Variants in CENPE observed in about 807,000 individuals in gnomAD.
The protein encoded by CENPE is centromere protein E.
A neutral mutation model predicts 336.1 loss-of-function variants in CENPE; 145 were observed. That is an observed-to-expected ratio of 0.43 (90% confidence interval 0.38 to 0.50). CENPE has a LOEUF of 0.50. CENPE is among the 20% of genes least tolerant of loss of function. CENPE has a pLI of 0.00. For missense variants in CENPE, 2,719 were observed against 3,023.3 expected (o/e 0.90, Z 2.36); for synonymous variants, 1,013 against 984.8 (o/e 1.03, Z -0.54).
rs571966593 is a variant in CENPE at position 103,167,134 on chromosome 4, T to C, written c.1648-3581A>G. Among the ~76,000 whole-genome samples the C allele has an allele frequency of 9.2e-5, 14 of 152,326 alleles. No homozygotes were observed. In the South Asian group the frequency reaches 2.9e-3, roughly 32 times the overall value. On this transcript the variant is annotated intron_variant, in intron 16 of 48. Transcript: ENST00000265148. The stretch of plus-strand genomic sequence containing the variant: ...AGCTTCTCCAGCTATTCTAATGTTT[T>C]AATTATTTAGAAACATACTTTCTAA...
In CENPE at chr4:103,191,162, G is replaced by A. The variant is rs533177501; in HGVS notation, c.693+3067C>T. On this transcript the variant is annotated intron_variant, in intron 8 of 48. Transcript: ENST00000265148. ...TCAGGGAACAACAGGTGCTGGAGAG[G>A]ATGTGGAGAAATAGGAACACTTTTA... 2.4e-4 allele frequency among the ~76,000 whole-genome samples: 36 copies of A among 152,286 alleles called. 1 individual carries two copies. The South Asian group carries it at 6.8e-3, about 29-fold the overall frequency.
chr4:103,184,333 C>T (rs978322509), intron 9 of CENPE, among the ~76,000 whole-genome samples: 1 of 152,164 alleles, frequency 6.6e-6, no homozygotes, highest in Non-Finnish European at 1.5e-5. Flanking sequence ...AGTGCAGGTG[C>T]AAGCTAAACC....
At position 103,147,619 on chromosome 4, in the gene CENPE, A is replaced by C. The variant is rs1054702150; in HGVS notation, c.3871T>G (p.Leu1291Val). The change falls in exon 29 of 49, where the codon TTA becomes GTA. Residue 1291 changes from leucine (L) to valine (V), a missense_variant. Transcript: ENST00000265148. ...EIPVLHEEQE[L>V]LPNVKEVSET... is the part of the protein sequence containing the mutation. ...CTGACTTCTTTCACATTAGGCAGTA[A>C]CTCTTGTTCCTCATGAAGCACTGGG... is the stretch of plus-strand genomic sequence containing the variant. The C allele has an allele frequency of 6.2e-7, 1 of 1,612,548 alleles. No individual in the cohort carries two copies. The highest frequency in any genetic ancestry group is 1.3e-5 in the African/African-American group (1 of 74,972).
At chr4:103,183,069 T>C in intron 10 of CENPE, 132 bp downstream of exon 10, 1 of 871,690 alleles carries the variant, frequency 1.1e-6, no homozygotes. Context: ...TTCAGTAGAT[T>C]ATAATCATAT....
chr4:103,114,356 T>C, intron 46 of CENPE, 99 bp downstream of exon 46: 1 of 662,974 alleles, frequency 1.5e-6, no homozygotes. Flanking sequence ...AACTTCTGTT[T>C]ACTCTCGACT....
At chr4:103,145,394 CAT>C (rs767534488) in intron 31 of CENPE, 60 bp from the exon 32 acceptor site, 86 of 1,309,998 alleles carry the variant, frequency 6.6e-5, no homozygotes, top group Middle Eastern at 1.9e-4. Flanking sequence ...CACACACACA[CAT>C]ACACAACTTA....
chr4:103,151,294 A>G lies in CENPE; in HGVS notation c.3321T>C (p.His1107=). ...QQEIVAQEKN[H]AIKKEGELSR... ...AAAGCTCTCCTTCTTTCTTTATGGC[A>G]TGGTTCTTTTCTTGTGCAACTATCT... Residue 1107 remains histidine (H), a synonymous_variant, in exon 26 of 49, where the codon CAT becomes CAC. Transcript: ENST00000265148. 1.2e-6 allele frequency: 2 copies of G among 1,606,810 alleles called. No individual in the cohort carries two copies. The highest frequency in any genetic ancestry group is 1.7e-6 in the Non-Finnish European group (2 of 1,178,422).
At chr4:103,128,631 C>T (rs1036218899) in intron 42 of CENPE, among the ~76,000 whole-genome samples, 2 of 151,992 alleles carry the variant, frequency 1.3e-5, no homozygotes, top group South Asian at 2.1e-4. Context: ...AAATAACATA[C>T]GGGTCACAGG....
intron 26 of CENPE, 121 bp downstream of exon 26, chr4:103,151,098 T>A (rs111592283): frequency 5.9e-6 from 5 of 842,792 alleles, no homozygotes; most frequent in Non-Finnish European, 9.4e-6. Flanking sequence ...AATACTAGCA[T>A]TGAAATATGT....
rs1416684768 is a variant in CENPE at position 103,108,927 on chromosome 4, C to A, written c.7887G>T (p.Arg2629=). The A allele has an allele frequency of 6.2e-7, 1 of 1,613,902 alleles. No homozygotes were observed. The highest frequency in any genetic ancestry group is 2.2e-5 in the East Asian group (1 of 44,840). The part of the protein sequence containing the change: ...KQITPSQCKE[R]NLQDPVPKES... ...CCTTTGGCACAGGATCTTGTAAATTCCGTTCCTTGCATTGAGAGGGTGTAA... is the reference window on the plus strand; with the variant it reads ...CCTTTGGCACAGGATCTTGTAAATTACGTTCCTTGCATTGAGAGGGTGTAA... Residue 2629 remains arginine (R), a synonymous_variant, in exon 48 of 49, where the codon CGG becomes CGT. Transcript: ENST00000265148.
chr4:103,180,307 T>C lies in CENPE; in HGVS notation c.1242+4A>G, dbSNP rs367769925. 1 of 1,607,826 alleles carries C rather than the reference T, an allele frequency of 6.2e-7. No homozygotes were observed. The highest frequency in any genetic ancestry group is 1.3e-5 in the African/African-American group (1 of 74,750). On this transcript the variant is annotated splice_donor_region_variant and intron_variant, in intron 13 of 48. Coordinates refer to ENST00000265148, the MANE Select transcript of CENPE (RefSeq NM_001813.3). ...AAGTTTAAGCTGTCATCTTTTAATTTTACCTTTAATTCCTGTTGCAACGTG... is the reference window on the plus strand; with the variant it reads ...AAGTTTAAGCTGTCATCTTTTAATTCTACCTTTAATTCCTGTTGCAACGTG...
chr4:103,115,290 C>G (rs1364676937), intron 45 of CENPE, among the ~76,000 whole-genome samples: 2 of 151,858 alleles, frequency 1.3e-5, no homozygotes, highest in African/African-American at 2.4e-5. Flanking sequence ...CCTGCCACCA[C>G]GCCTGGCTAA....
At chr4:103,114,614 C>A in intron 45 of CENPE, 62 bp from the exon 46 acceptor site, 1 of 1,021,268 alleles carries the variant, frequency 9.8e-7, no homozygotes. Flanking sequence ...GGAGAATAAA[C>A]AGAACTGCTG....
intron 37 of CENPE, 62 bp downstream of exon 37, chr4:103,140,194 T>A: frequency 2.0e-6 from 3 of 1,501,456 alleles, no homozygotes; most frequent in Non-Finnish European, 2.7e-6. Context: ...TCTATATCTT[T>A]TTAATTCCAC....
chr4:103,190,788 C>G (rs763884313), intron 8 of CENPE, among the ~76,000 whole-genome samples: 3 of 152,004 alleles, frequency 2.0e-5, no homozygotes, highest in Non-Finnish European at 2.9e-5. Context: ...CCAAAATTGA[C>G]AAAATGGGAT....
In CENPE at chr4:103,158,387, T is replaced by G; in HGVS notation, c.2946A>C (p.Thr982=). The G allele has an allele frequency of 1.2e-6, 2 of 1,609,094 alleles. No individual in the cohort carries two copies. The highest frequency in any genetic ancestry group is 8.5e-7 in the Non-Finnish European group (1 of 1,177,550). The change falls in exon 24 of 49, where the codon ACA becomes ACC. Residue 982 remains threonine, a synonymous_variant. Transcript: ENST00000265148. The part of the protein sequence containing the change: ...SLKQHQETIN[T]LKSKISEEVS... Reference sequence around the variant, plus strand: ...CTTCCTCAGAAATTTTCGATTTTAGTGTATTAATTGTTTCTTGATGTTGTT... The same window carrying G: ...CTTCCTCAGAAATTTTCGATTTTAGGGTATTAATTGTTTCTTGATGTTGTT...
At chr4:103,158,488 C>T (rs1166606138) in intron 23 of CENPE, 30 bp from the exon 24 acceptor site, 1 of 1,516,450 alleles carries the variant, frequency 6.6e-7, no homozygotes, top group Non-Finnish European at 8.8e-7. Flanking sequence ...AAACAATTTC[C>T]ATTAGAATAT....
At chr4:103,170,868 T>A (rs1016717938) in intron 16 of CENPE, among the ~76,000 whole-genome samples, 4 of 152,108 alleles carry the variant, frequency 2.6e-5, no homozygotes, top group African/African-American at 9.7e-5. Context: ...ACTGAAATTG[T>A]AAGAGAGCAG....
rs755748942 is a variant in CENPE at position 103,109,144 on chromosome 4, T to C, written c.7725-55A>G. ...GTAAGACTTCTTGATTCTTAAGATG[T>C]ATTCACATTTATATTTAAAAATTAA... On this transcript the variant is annotated intron_variant, in intron 47 of 48. Transcript: ENST00000265148. 9.8e-5 allele frequency: 128 copies of C among 1,304,428 alleles called. No homozygotes were observed. The Middle Eastern group carries it at 1.2e-3, about 13-fold the overall frequency. 80.8% of individuals were successfully genotyped at this position (1,304,428 alleles called of 1,614,324 possible). A position where few individuals can be genotyped will look rare whatever the true frequency, so the allele number is the denominator to read the frequency against.
Sources: gnomAD v4.1 joint callset for allele counts (sites outside exome capture counted in the v4.1 genomes callset) on GRCh38, gnomAD v4.1.1 for gene constraint, MANE v1.5 for transcripts, NCBI Gene and HGNC (gene_info 2026-07-23, HGNC 2026-07-21) for gene names.